Variants in LRRFIP1 observed in about 807,000 individuals in gnomAD.
The protein encoded by LRRFIP1 is leucine-rich repeat flightless-interacting protein 1.
Under a neutral mutation model 104.4 loss-of-function variants are expected in LRRFIP1, and 62 were observed. The ratio of observed to expected loss-of-function variants is 0.59; its 90% confidence interval spans 0.48 to 0.73. The LOEUF is 0.73. Among genes scored for constraint, LRRFIP1 ranks in the 30% least tolerant of loss-of-function variants. The pLI, the probability that LRRFIP1 is intolerant of heterozygous loss-of-function variation, is 0.00. For missense variants in LRRFIP1, 796 were observed against 824.5 expected, an observed-to-expected ratio of 0.97 and a Z score of 0.42; for synonymous variants, 300 against 299.0, an observed-to-expected ratio of 1.00 and a Z score of -0.03.
At chr2:237,633,966 C>G (rs141685849) in intron 1 of LRRFIP1, among the ~76,000 whole-genome samples, 1 of 152,340 alleles carries the variant, frequency 6.6e-6, no homozygotes, top group African/African-American at 2.4e-5. Flanking sequence ...CTCTGCCTTA[C>G]TGTATCTCTC....
At chr2:237,628,049 G>T (rs1189851864) in intron 1 of LRRFIP1, among the ~76,000 whole-genome samples, 1 of 151,876 alleles carries the variant, frequency 6.6e-6, no homozygotes, top group African/African-American at 2.4e-5. Context: ...GCCGGGCGCC[G>T]CCAGCGCGCG....
At chr2:237,762,734 C>T (rs2060002858) in intron 19 of LRRFIP1, 1 of 1,613,990 alleles carries the variant, frequency 6.2e-7, no homozygotes, top group South Asian at 1.1e-5. Context: ...AGAGGTATTC[C>T]CTGCTGGTGA....
chr2:237,657,422 C>T (rs2087004423), intron 1 of LRRFIP1, among the ~76,000 whole-genome samples: 1 of 152,156 alleles, frequency 6.6e-6, no homozygotes, highest in African/African-American at 2.4e-5. Flanking sequence ...ATAGTACAGT[C>T]ACTACTGAAA....
chr2:237,773,168 T>C (rs2060794136), intron 22 of LRRFIP1, among the ~76,000 whole-genome samples: 1 of 152,214 alleles, frequency 6.6e-6, no homozygotes, highest in African/African-American at 2.4e-5. Context: ...ATACTAATCC[T>C]TTATCAACAA....
chr2:237,674,803 T>G (rs768340405), intron 1 of LRRFIP1, among the ~76,000 whole-genome samples: 1 of 152,274 alleles, frequency 6.6e-6, no homozygotes, highest in African/African-American at 2.4e-5. Context: ...TTCGGGTTGT[T>G]GCTGAGAGCT....
intron 1 of LRRFIP1, among the ~76,000 whole-genome samples, chr2:237,688,456 C>T (rs28414587): frequency 2.2e-3 from 202 of 90,156 alleles, no homozygotes; most frequent in Non-Finnish European, 3.2e-3. Context: ...TTTTTTTTTT[C>T]TTTTTTTTTT....
At chr2:237,736,390 G>A (rs1315749998) in intron 10 of LRRFIP1, among the ~76,000 whole-genome samples, 1 of 152,178 alleles carries the variant, frequency 6.6e-6, no homozygotes, top group Non-Finnish European at 1.5e-5. Context: ...CATAAACCAT[G>A]CATGAAGAAT....
At chr2:237,681,675 A>ATTTTTTTTTTTTTT (rs1359912875) in intron 1 of LRRFIP1, among the ~76,000 whole-genome samples, 59 of 54,604 alleles carry the variant, frequency 1.1e-3, no homozygotes, top group Non-Finnish European at 1.3e-3. Flanking sequence ...CCGCAGTCCT[A>ATTTTTTTTTTTTTT]TTCTTTTTTT....
chr2:237,694,029 A>G (rs555463155), intron 1 of LRRFIP1, among the ~76,000 whole-genome samples: 140 of 152,294 alleles, frequency 9.2e-4, no homozygotes, highest in Admixed American at 4.8e-3. Context: ...CCAGAACCCA[A>G]TAAGCTTTGA....
At chr2:237,764,016 G>A (rs1203736567) in intron 19 of LRRFIP1, 2 of 1,614,114 alleles carry the variant, frequency 1.2e-6, no homozygotes, top group Admixed American at 1.7e-5. Flanking sequence ...GACAGCAATA[G>A]CCTAGAGAAC....
At chr2:237,695,140 G>A (rs956454357) in intron 1 of LRRFIP1, among the ~76,000 whole-genome samples, 19 of 152,170 alleles carry the variant, frequency 1.2e-4, no homozygotes, top group African/African-American at 4.1e-4. Flanking sequence ...TCCCCGGGCA[G>A]GTAAGACATA....
chr2:237,632,678 G>A (rs1212858765), intron 1 of LRRFIP1, among the ~76,000 whole-genome samples: 1 of 152,140 alleles, frequency 6.6e-6, no homozygotes, highest in Non-Finnish European at 1.5e-5. Context: ...CTGGGGATGG[G>A]GTGCACGTGT....
intron 1 of LRRFIP1, among the ~76,000 whole-genome samples, chr2:237,633,531 T>TGAGAGGCGGTGTGGATGAGGGAAATCCAG (rs530913139): frequency 0.026 from 3,939 of 152,210 alleles, 153 homozygotes; most frequent in African/African-American, 0.089. Flanking sequence ...GTGGAGAACA[T>TGAGAGGCGGTGTGGATGAGGGAAATCCAG]GACCTGGCTT....
rs1000061402 is a variant in LRRFIP1, at chr2:237,703,292, C to T, written c.97-5252C>T. The stretch of plus-strand genomic sequence containing the variant: ...CCGAACCCTGGCACTGAGCTTGATC[C>T]GCTGCAGCCCAGCCCGTTCCTGTCC... On this transcript the variant is annotated intron_variant, in intron 1 of 23. Coordinates refer to ENST00000308482, the MANE Select transcript of LRRFIP1 (RefSeq NM_001137550.2). This position sits in a 1 kb window ranked among gnomAD's most constrained non-coding sequence, Gnocchi z 4.3. Among the ~76,000 whole-genome samples, 4 of 152,134 alleles carry T rather than the reference C, an allele frequency of 2.6e-5. No homozygotes were observed. Among genetic ancestry groups the T allele is most frequent in the African/African-American group, 7.2e-5 (3 of 41,416 alleles).
chr2:237,628,407 G>A (rs1228905303), intron 1 of LRRFIP1, among the ~76,000 whole-genome samples: 1 of 150,658 alleles, frequency 6.6e-6, no homozygotes, highest in Non-Finnish European at 1.5e-5. Context: ...AATTGAAGGC[G>A]CACTAGAATG....
intron 1 of LRRFIP1, among the ~76,000 whole-genome samples, chr2:237,690,953 C>CTTTTCCT (rs144116997): frequency 0.075 from 11,345 of 151,222 alleles, 1,276 homozygotes; most frequent in African/African-American, 0.25. Flanking sequence ...CTCGGCCCCT[C>CTTTTCCT]TTTTCCTTCT....
At chr2:237,655,525 C>T (rs751851859) in intron 1 of LRRFIP1, among the ~76,000 whole-genome samples, 6 of 152,308 alleles carry the variant, frequency 3.9e-5, no homozygotes, top group South Asian at 2.1e-4. Flanking sequence ...AATCTCACAT[C>T]GCTGAGTGCT....
chr2:237,752,781 A>G (rs1196423711), intron 14 of LRRFIP1, among the ~76,000 whole-genome samples: 3 of 152,132 alleles, frequency 2.0e-5, no homozygotes, highest in Admixed American at 1.3e-4. Flanking sequence ...CCATTTTCCT[A>G]TGAGTCAAAA....
At chr2:237,767,308 G>A (rs918569711) in intron 19 of LRRFIP1, among the ~76,000 whole-genome samples, 1 of 152,164 alleles carries the variant, frequency 6.6e-6, no homozygotes, top group Admixed American at 6.5e-5. Context: ...TTGAAAGGTT[G>A]CCTGCCAGCC....
Sources: gnomAD v4.1 joint callset for allele counts (sites outside exome capture counted in the v4.1 genomes callset) on GRCh38, gnomAD v4.1.1 for gene constraint, Gnocchi (gnomAD v3.1) non-coding constraint, MANE v1.5 for transcripts, NCBI Gene and HGNC (gene_info 2026-07-23, HGNC 2026-07-21) for gene names.